Variants in C12orf42 observed in about 807,000 individuals in gnomAD.
The protein encoded by C12orf42 is uncharacterized protein C12orf42.
A neutral mutation model predicts 21.6 loss-of-function variants in C12orf42; 25 were observed. The ratio of observed to expected loss-of-function variants is 1.16; its 90% CI spans 0.84 to 1.62. The LOEUF is 1.62. Ranked by LOEUF, C12orf42 falls within the 40% of genes most tolerant of loss-of-function variation. The pLI is 0.00. For missense variants in C12orf42, 483 were observed against 459.3 expected, an observed-to-expected ratio of 1.05 and a Z score of -0.47; for synonymous variants, 174 against 175.0, an observed-to-expected ratio of 0.99 and a Z score of 0.05.
At chr12:103,327,863 C>T (rs559278779) in intron 4 of C12orf42, among the ~76,000 whole-genome samples, 16 of 152,286 alleles carry the variant, frequency 1.1e-4, no homozygotes, top group Middle Eastern at 3.4e-3. Flanking sequence ...AGAGTAAGAA[C>T]AGACCTCCTC....
At chr12:103,323,551 T>C (rs2040391824) in intron 4 of C12orf42, among the ~76,000 whole-genome samples, 1 of 152,086 alleles carries the variant, frequency 6.6e-6, no homozygotes, top group African/African-American at 2.4e-5. Flanking sequence ...CAAAATAAAA[T>C]GAAGAAGTGA....
chr12:103,091,675 A>T, the C12orf42 span, among the ~76,000 whole-genome samples: 1 of 152,208 alleles, frequency 6.6e-6, no homozygotes, highest in African/African-American at 2.4e-5. Flanking sequence ...TTATTTATGC[A>T]TCAGTTACCT....
chr12:103,300,330 C>T (rs186493452), downstream of C12orf42, among the ~76,000 whole-genome samples: 8 of 152,220 alleles, frequency 5.3e-5, no homozygotes, highest in Admixed American at 1.3e-4. Context: ...TAAGAGGGTA[C>T]ATGGTGGGTA....
At chr12:103,303,314 T>C (rs1593343907) in intron 5 of C12orf42, among the ~76,000 whole-genome samples, 1 of 151,930 alleles carries the variant, frequency 6.6e-6, no homozygotes, top group East Asian at 1.9e-4. Context: ...TTCCATATTA[T>C]ATAATATATT....
At chr12:103,067,329 G>T in the C12orf42 span, among the ~76,000 whole-genome samples, 1 of 152,074 alleles carries the variant, frequency 6.6e-6, no homozygotes, top group Non-Finnish European at 1.5e-5. Context: ...CTCACTTTAC[G>T]GCTGAAGAAG....
intron 1 of C12orf42, among the ~76,000 whole-genome samples, chr12:103,489,858 G>C (rs552675570): frequency 6.6e-6 from 1 of 152,220 alleles, no homozygotes; most frequent in Admixed American, 6.5e-5. Context: ...AGCTTGTCAC[G>C]GCTTCCCTTG....
intron 2 of C12orf42, among the ~76,000 whole-genome samples, chr12:103,454,329 A>G (rs918433812): frequency 3.3e-5 from 5 of 152,130 alleles, no homozygotes; most frequent in Non-Finnish European, 5.9e-5. Context: ...CTCATTTCAG[A>G]ATTAGAACAG....
intron 1 of C12orf42, among the ~76,000 whole-genome samples, chr12:103,485,291 C>T (rs758108004): frequency 2.0e-5 from 3 of 152,064 alleles, no homozygotes; most frequent in Non-Finnish European, 4.4e-5. Flanking sequence ...TAGATGTGTG[C>T]TGTTATTTCT....
At chr12:103,235,871 A>G (rs566170377), downstream of C12orf42, among the ~76,000 whole-genome samples, 5 of 152,318 alleles carry the variant, frequency 3.3e-5, no homozygotes, top group African/African-American at 1.2e-4. Flanking sequence ...CTTAAGACAT[A>G]TGCATGCACT....
At chr12:103,197,702 A>T in the C12orf42 span, among the ~76,000 whole-genome samples, 1 of 152,134 alleles carries the variant, frequency 6.6e-6, no homozygotes, top group Non-Finnish European at 1.5e-5. Flanking sequence ...ATGTTCCTTC[A>T]ATCTTTGAAG....
At chr12:103,526,690 G>GCTCC in the C12orf42 span, among the ~76,000 whole-genome samples, 1 of 152,170 alleles carries the variant, frequency 6.6e-6, no homozygotes, top group Non-Finnish European at 1.5e-5. Flanking sequence ...ATCCTGACAT[G>GCTCC]CTCCCTCTCC....
chr12:103,101,240 T>C, the C12orf42 span, among the ~76,000 whole-genome samples: 87 of 152,326 alleles, frequency 5.7e-4, no homozygotes, highest in African/African-American at 2.0e-3. Flanking sequence ...TCCACTAGCC[T>C]GTAGAACAGT....
chr12:103,331,904 A>G (rs2041269628), intron 4 of C12orf42, among the ~76,000 whole-genome samples: 2 of 152,186 alleles, frequency 1.3e-5, no homozygotes, highest in East Asian at 3.9e-4. Flanking sequence ...GGAGAATTAG[A>G]ACAAGGAAGA....
intron 10 of C12orf42, among the ~76,000 whole-genome samples, chr12:103,252,771 A>G (rs913534282): frequency 1.5e-4 from 23 of 151,948 alleles, no homozygotes; most frequent in African/African-American, 5.3e-4. Flanking sequence ...CACTCTGATG[A>G]TCGGTTCTTT....
intron 4 of C12orf42, among the ~76,000 whole-genome samples, chr12:103,342,190 CTT>C (rs1452079343): frequency 1.3e-5 from 2 of 152,194 alleles, no homozygotes; most frequent in South Asian, 2.1e-4. Context: ...AAACTCAAAA[CTT>C]GAGTTTATGG....
intron 2 of C12orf42, among the ~76,000 whole-genome samples, chr12:103,417,393 G>A (rs2049452030): frequency 6.6e-6 from 1 of 152,070 alleles, no homozygotes; most frequent in Non-Finnish European, 1.5e-5. Context: ...TTCCCTGCTC[G>A]TAAATCACCA....
chr12:103,101,681 A>G, the C12orf42 span, among the ~76,000 whole-genome samples: 12 of 152,316 alleles, frequency 7.9e-5, no homozygotes, highest in African/African-American at 2.9e-4. Context: ...AATGTCTGTA[A>G]AAGTCAGCTT....
intron 1 of C12orf42, among the ~76,000 whole-genome samples, chr12:103,487,596 C>T (rs1954920925): frequency 6.6e-6 from 1 of 152,276 alleles, no homozygotes; most frequent in Non-Finnish European, 1.5e-5. Context: ...GTCTAAGTCT[C>T]TTTGTAGGTC....
the C12orf42 span, among the ~76,000 whole-genome samples, chr12:103,147,625 T>A: frequency 7.4e-6 from 1 of 134,810 alleles, no homozygotes; most frequent in Non-Finnish European, 1.6e-5. Context: ...CTCTCTCTCT[T>A]TTTTTTTTTT....
Sources: allele counts gnomAD v4.1 joint callset (sites outside exome capture counted in the v4.1 genomes callset), GRCh38; gene constraint gnomAD v4.1.1; transcripts MANE v1.5; gene names NCBI Gene and HGNC (gene_info 2026-07-23, HGNC 2026-07-21).